ARHGEF28: variants seen among roughly 807,000 people sequenced by gnomAD.
ARHGEF28 encodes the protein Rho guanine nucleotide exchange factor 28.
In ARHGEF28, 152 loss-of-function variants were observed where a neutral mutation model predicts 206.6. That is an observed-to-expected ratio of 0.74 (90% CI 0.64 to 0.84). ARHGEF28 has a LOEUF of 0.84. Among genes scored for constraint, ARHGEF28 ranks in the 40% least tolerant of loss-of-function variants. The pLI, the probability that ARHGEF28 is intolerant of heterozygous loss-of-function variation, is 0.00. For synonymous variants in ARHGEF28, 763 were observed against 776.4 expected (o/e 0.98, Z 0.29); for missense variants, 2,028 against 2,073.2 (o/e 0.98, Z 0.42).
intron 21 of ARHGEF28, among the ~76,000 whole-genome samples, chr5:73,871,316 G>T (rs1580013803): frequency 6.6e-6 from 1 of 152,108 alleles, no homozygotes; most frequent in Non-Finnish European, 1.5e-5. Context: ...ATGTATTAAT[G>T]GGTTAAAAGA....
intron 24 of ARHGEF28, among the ~76,000 whole-genome samples, chr5:73,885,503 G>C (rs1761222067): frequency 6.8e-6 from 1 of 147,090 alleles, no homozygotes; most frequent in African/African-American, 2.6e-5. Context: ...TCGAGACAGA[G>C]TCTCACTCTG....
intron 7 of ARHGEF28, among the ~76,000 whole-genome samples, chr5:73,791,593 C>G (rs1456749292): frequency 1.3e-5 from 2 of 152,108 alleles, no homozygotes; most frequent in African/African-American, 4.8e-5. Flanking sequence ...TTGCTTAAGT[C>G]TAGACTCTGT....
At chr5:73,824,543 C>T (rs1177400872) in intron 9 of ARHGEF28, among the ~76,000 whole-genome samples, 1 of 151,578 alleles carries the variant, frequency 6.6e-6, no homozygotes, top group Non-Finnish European at 1.5e-5. Flanking sequence ...GATCTCGGCT[C>T]ACTGCAACCT....
At chr5:73,663,534 C>G (rs576777332) in intron 1 of ARHGEF28, among the ~76,000 whole-genome samples, 3 of 152,166 alleles carry the variant, frequency 2.0e-5, no homozygotes, top group Non-Finnish European at 2.9e-5. Flanking sequence ...GACTATGGCC[C>G]TTTTCAGTCC....
chr5:73,909,749 A>T lies in ARHGEF28; in HGVS notation c.4499A>T (p.Tyr1500Phe), dbSNP rs1762773868. The T allele has an allele frequency of 6.6e-7, 1 of 1,515,378 alleles. No homozygotes were observed. Among genetic ancestry groups the T allele is most frequent in the Admixed American group, 2.0e-5 (1 of 49,304 alleles). The allele number at this position is 1,515,378 out of a possible 1,614,324, so 93.9% of individuals were successfully genotyped here. ...GAGCTGGACCTCCAGCTCCAGGAGT[A>T]CCAGCACAGCCTGGAGCGGCTGAGG... is the stretch of plus-strand genomic sequence containing the variant. Reference protein sequence around the residue: ...RGELDLQLQEYQHSLERLREG... With the variant: ...RGELDLQLQEFQHSLERLREG... The change falls in exon 34 of 36, where the codon TAC becomes TTC. Residue 1500 changes from tyrosine to phenylalanine, a missense_variant. Tyr to Phe is a conservative substitution (Grantham distance 22). This residue lies in a region of ARHGEF28 where 803 missense variants were observed against 768.0 expected (regional missense o/e 1.05). Coordinates refer to ENST00000513042, the MANE Select transcript of ARHGEF28 (RefSeq NM_001177693.2).
At chr5:73,687,615 T>C (rs1747553041) in intron 2 of ARHGEF28, among the ~76,000 whole-genome samples, 6 of 152,056 alleles carry the variant, frequency 3.9e-5, no homozygotes, top group Admixed American at 2.6e-4. Context: ...TGTTTCTGTA[T>C]TTTGGGGAAG....
chr5:73,914,341 T>C (rs1207824903), intron 35 of ARHGEF28, among the ~76,000 whole-genome samples: 1 of 151,440 alleles, frequency 6.6e-6, no homozygotes, highest in African/African-American at 2.4e-5. Flanking sequence ...CCTGGGAAGA[T>C]TGGCTTTAGA....
In ARHGEF28 at chr5:73,752,951, G is replaced by C; in HGVS notation, c.224G>C (p.Cys75Ser). 1 of 1,613,898 alleles carries C rather than the reference G, an allele frequency of 6.2e-7. No homozygotes were observed. The highest frequency in any genetic ancestry group is 8.5e-7 in the Non-Finnish European group (1 of 1,179,870). ...ACGGTGACGGTATCTGTGTGCCTCT[G>C]CTCGGAAGGTTACTCTCCGGTGACC... The part of the protein sequence containing the change: ...QETVTVSVCL[C>S]SEGYSPVTMG... Residue 75 changes from cysteine (C) to serine (S), a missense_variant, in exon 4 of 36, where the codon TGC (cysteine) becomes TCC (serine). Cys to Ser is a moderately radical substitution (Grantham distance 112). This residue lies in a region of ARHGEF28 where 1,002 missense variants were observed against 1,015.3 expected (regional missense o/e 0.99). Coordinates refer to ENST00000513042, the MANE Select transcript of ARHGEF28 (RefSeq NM_001177693.2).
Position 73,909,566 on chromosome 5 carries a change from A to C in ARHGEF28, c.4316A>C (p.Asn1439Thr). Reference protein sequence around the residue: ...DADRQHEELANVHQLQHQLQQ... With the variant: ...DADRQHEELATVHQLQHQLQQ... ...GACAGGCAGCATGAGGAGCTGGCCA[A>C]TGTGCACCAGCTTCAGCACCAGCTC... Residue 1439 changes from asparagine to threonine, a missense_variant, in exon 34 of 36, where the codon AAT (asparagine) becomes ACT (threonine). Asn to Thr is a moderately conservative substitution (Grantham distance 65, BLOSUM62 0). Around this residue, in one of 3 missense-constraint regions of ARHGEF28, gnomAD observed 803 missense variants for 768.0 expected, o/e 1.05. Transcript: ENST00000513042. 1 of 1,570,734 alleles carries C rather than the reference A, an allele frequency of 6.4e-7. No homozygotes were observed. The highest frequency in any genetic ancestry group is 8.6e-7 in the Non-Finnish European group (1 of 1,158,134).
At position 73,742,468 on chromosome 5, in the gene ARHGEF28, G is replaced by A. The variant is rs114245887; in HGVS notation, c.34-7369G>A. Among the ~76,000 whole-genome samples the A allele has an allele frequency of 1.4e-3, 212 of 151,720 alleles. 1 individual carries two copies. Among genetic ancestry groups the A allele is most frequent in the African/African-American group, 5.0e-3 (207 of 41,386 alleles). ...TTCCTCTCTATAACTTATTAGTTATGCATTCTTTTGGTGGCTACTCTCAAG... is the reference window on the plus strand; with the variant it reads ...TTCCTCTCTATAACTTATTAGTTATACATTCTTTTGGTGGCTACTCTCAAG... On this transcript the variant is annotated intron_variant, in intron 2 of 35. Coordinates refer to ENST00000513042, the MANE Select transcript of ARHGEF28 (RefSeq NM_001177693.2).
chr5:73,735,343 A>G (rs898075013), intron 2 of ARHGEF28, among the ~76,000 whole-genome samples: 1 of 152,138 alleles, frequency 6.6e-6, no homozygotes, highest in Non-Finnish European at 1.5e-5. Context: ...AGAATTTCCT[A>G]AGATAGGCAG....
At chr5:73,843,660 G>A (rs923754725) in intron 11 of ARHGEF28, among the ~76,000 whole-genome samples, 1 of 152,052 alleles carries the variant, frequency 6.6e-6, no homozygotes, top group African/African-American at 2.4e-5. Context: ...AAGTTTTCTA[G>A]GGTTTAAAAG....
At chr5:73,824,752 G>A (rs971606378) in intron 9 of ARHGEF28, among the ~76,000 whole-genome samples, 4 of 149,876 alleles carry the variant, frequency 2.7e-5, no homozygotes, top group African/African-American at 9.7e-5. Context: ...ATAGGTGTGA[G>A]CCACTGCGCC....
chr5:73,789,599 A>G lies in ARHGEF28; in HGVS notation c.911-4803A>G, dbSNP rs191388025. On this transcript the variant is annotated intron_variant, in intron 7 of 35. Coordinates refer to ENST00000513042, the MANE Select transcript of ARHGEF28 (RefSeq NM_001177693.2). ...ACCTTAATAAAGCTGTCATAAAAAC[A>G]TATATGGGGGAGTATATACCAACAT... Among the ~76,000 whole-genome samples the G allele has an allele frequency of 1.0e-3, 156 of 152,330 alleles. 2 individuals are homozygous for G. The highest frequency in any genetic ancestry group is 3.6e-3 in the African/African-American group (149 of 41,574).
At chr5:73,747,516 T>C (rs1214973637) in intron 2 of ARHGEF28, among the ~76,000 whole-genome samples, 2 of 152,218 alleles carry the variant, frequency 1.3e-5, no homozygotes, top group African/African-American at 4.8e-5. Flanking sequence ...CTTTTCTGAA[T>C]GAAAATGTCC....
chr5:73,637,316 TCTC>T (rs1222480593), intron 1 of ARHGEF28, among the ~76,000 whole-genome samples: 3 of 152,090 alleles, frequency 2.0e-5, no homozygotes, highest in Non-Finnish European at 4.4e-5. Context: ...TTTCTCTACC[TCTC>T]CTCCTTCTCT....
intron 2 of ARHGEF28, among the ~76,000 whole-genome samples, chr5:73,700,563 G>T (rs1391387797): frequency 6.6e-6 from 1 of 152,128 alleles, no homozygotes; most frequent in Non-Finnish European, 1.5e-5. Context: ...GTGTTCTATT[G>T]CACAGTTGGG....
chr5:73,709,853 T>C (rs577009057), intron 2 of ARHGEF28, among the ~76,000 whole-genome samples: 2 of 152,334 alleles, frequency 1.3e-5, no homozygotes, highest in Admixed American at 6.5e-5. Flanking sequence ...TATGGCTTCT[T>C]ATACTTAGCA....
At chr5:73,683,457 G>C (rs1185939975) in intron 1 of ARHGEF28, among the ~76,000 whole-genome samples, 1 of 151,944 alleles carries the variant, frequency 6.6e-6, no homozygotes, top group Non-Finnish European at 1.5e-5. Context: ...GCATCATATA[G>C]TATTTTTCCT....
Sources: allele counts gnomAD v4.1 joint callset (sites outside exome capture counted in the v4.1 genomes callset), GRCh38; gene constraint gnomAD v4.1.1; regional missense constraint gnomAD v4.1.1; transcripts MANE v1.5; gene names NCBI Gene and HGNC (gene_info 2026-07-23, HGNC 2026-07-21).